The following AOX1 variants were observed in gnomAD, a reference collection of about 807,000 sequenced individuals.
AOX1 encodes the protein aldehyde oxidase 1, also known as aldehyde oxidase.
In AOX1, 153 loss-of-function variants were observed where a neutral mutation model predicts 169.5. That is an observed-to-expected ratio of 0.90 (90% CI 0.79 to 1.03). The LOEUF (loss-of-function observed/expected upper bound fraction) is 1.03, where lower values mean the gene tolerates loss of function less well. Ranked by LOEUF, AOX1 falls within the 50% of genes least tolerant of loss-of-function variation. The pLI is 0.00. For synonymous variants in AOX1, 562 were observed against 581.9 expected (o/e 0.97, Z 0.49); for missense variants, 1,656 against 1,663.9 (o/e 1.00, Z 0.08).
At chr2:200,620,949 C>T in intron 17 of AOX1, 130 bp downstream of exon 17, 2 of 1,309,226 alleles carry the variant, frequency 1.5e-6, no homozygotes, top group South Asian at 2.9e-5. Context: ...AGAGGTGAAA[C>T]AGGATCGAAA....
chr2:200,657,190 A>ATATATATATATATATATATATATTT, intron 27 of AOX1, among the ~76,000 whole-genome samples: 3 of 62,876 alleles, frequency 4.8e-5, no homozygotes, highest in African/African-American at 7.9e-5. Flanking sequence ...ATATATATAT[A>ATATATATATATATATATATATATTT]TTTTTTTTTT....
rs73049078 is a variant in AOX1, at chr2:200,605,631, G to A, written c.907+3G>A. On this transcript the variant is annotated splice_donor_region_variant and intron_variant, in intron 10 of 34. Coordinates refer to ENST00000374700, the MANE Select transcript of AOX1 (RefSeq NM_001159.4). ...TGTTGTAAACCATGCATATAATGGTGAGTTCTCAAGTCCCTGTTTTCTTAG... is the reference window on the plus strand; with the variant it reads ...TGTTGTAAACCATGCATATAATGGTAAGTTCTCAAGTCCCTGTTTTCTTAG... 5.2e-3 allele frequency: 7,398 copies of A among 1,423,636 alleles called. 331 individuals carry two copies. In the African/African-American group the frequency reaches 0.097, roughly 19 times the overall value. The allele number at this position is 1,423,636 out of a possible 1,614,324, so 88.2% of individuals were successfully genotyped here.
chr2:200,599,074 T>C (rs1310516320), intron 4 of AOX1, among the ~76,000 whole-genome samples: 9 of 152,160 alleles, frequency 5.9e-5, no homozygotes, highest in African/African-American at 2.2e-4. Flanking sequence ...AGAAGACAGC[T>C]TCCAAAATCG....
intron 7 of AOX1, 49 bp downstream of exon 7, chr2:200,603,405 G>A: frequency 6.9e-7 from 1 of 1,444,578 alleles, no homozygotes; most frequent in Non-Finnish European, 9.7e-7. Flanking sequence ...ACATGAACAG[G>A]AGCCAACATA....
chr2:200,605,224 C>T (rs879748661), intron 9 of AOX1, among the ~76,000 whole-genome samples: 4 of 152,092 alleles, frequency 2.6e-5, no homozygotes, highest in East Asian at 1.9e-4. Flanking sequence ...CTTAAACAAC[C>T]GCTACAGGGT....
chr2:200,664,082 C>T (rs1308518487), intron 31 of AOX1, among the ~76,000 whole-genome samples: 1 of 151,990 alleles, frequency 6.6e-6, no homozygotes, highest in Non-Finnish European at 1.5e-5. Context: ...AGCAGCCCTA[C>T]ACTACTAGGG....
intron 16 of AOX1, among the ~76,000 whole-genome samples, chr2:200,620,258 C>T (rs781640310): frequency 1.1e-4 from 16 of 145,042 alleles, no homozygotes; most frequent in Non-Finnish European, 1.5e-5. Flanking sequence ...GGGTGCAGTG[C>T]TGTGATCTTG....
chr2:200,625,134 G>C (rs116024656), intron 19 of AOX1, among the ~76,000 whole-genome samples: 12 of 152,134 alleles, frequency 7.9e-5, no homozygotes, highest in African/African-American at 2.7e-4. Flanking sequence ...AATTGGAGTC[G>C]AAGTGTGATT....
chr2:200,677,069 G>A (rs1478250544), downstream of AOX1: 2 of 376,174 alleles, frequency 5.3e-6, no homozygotes, highest in East Asian at 8.4e-5. Flanking sequence ...AAGAAACCAT[G>A]ATAGAAGCAA....
At position 200,634,878 on chromosome 2, in the gene AOX1, A is replaced by G. The variant is rs1264892938; in HGVS notation, c.2309A>G (p.Asp770Gly). The G allele has an allele frequency of 2.7e-5, 44 of 1,613,964 alleles. No individual in the cohort carries two copies. The Admixed American group carries it at 7.2e-4, about 26-fold the overall frequency. The change falls in exon 21 of 35, where the codon GAT (aspartate) becomes GGT (glycine). Residue 770 changes from aspartate (D) to glycine (G), a missense_variant. Asp to Gly is a moderately conservative substitution (Grantham distance 94). Transcript: ENST00000374700. ...CCCAAGGGAGAGGATCAAGAAATGGATGTCTACGTGTCCACACAGTTTCCC... is the reference window on the plus strand; with the variant it reads ...CCCAAGGGAGAGGATCAAGAAATGGGTGTCTACGTGTCCACACAGTTTCCC... ...VVPKGEDQEM[D>G]VYVSTQFPKY...
At chr2:200,667,543 G>A (rs1262872156) in intron 32 of AOX1, among the ~76,000 whole-genome samples, 2 of 151,622 alleles carry the variant, frequency 1.3e-5, no homozygotes, top group African/African-American at 4.9e-5. Flanking sequence ...GGAGGAAGTG[G>A]GTGTGAACCA....
At position 200,624,003 on chromosome 2, in the gene AOX1, G is replaced by A. The variant is rs1392100959; in HGVS notation, c.2124+20G>A. On this transcript the variant is annotated intron_variant, in intron 19 of 34. Transcript: ENST00000374700. The stretch of plus-strand genomic sequence containing the variant: ...ATTGAGGTAATGAGTTCTGTGGAAT[G>A]GTGGTGCCAGTTGGGAGCCAGAACA... The A allele has an allele frequency of 6.2e-7, 1 of 1,611,400 alleles. No homozygotes were observed. The highest frequency in any genetic ancestry group is 8.5e-7 in the Non-Finnish European group (1 of 1,177,692).
At chr2:200,641,950 C>T (rs2035360917) in intron 24 of AOX1, among the ~76,000 whole-genome samples, 4 of 152,076 alleles carry the variant, frequency 2.6e-5, no homozygotes, top group Admixed American at 2.6e-4. Context: ...CAAGACCAGC[C>T]TGACCACATG....
intron 13 of AOX1, among the ~76,000 whole-genome samples, chr2:200,611,911 G>T (rs1361831843): frequency 3.3e-5 from 5 of 151,944 alleles, no homozygotes; most frequent in Non-Finnish European, 7.4e-5. Context: ...CGCCAAGTTG[G>T]CCAAGCTGGT....
At chr2:200,681,069 C>T (rs1269570806), downstream of AOX1, among the ~76,000 whole-genome samples, 1 of 152,158 alleles carries the variant, frequency 6.6e-6, no homozygotes, top group Admixed American at 6.5e-5. Context: ...GGGGAGAGAA[C>T]ACAATAAAAG....
At chr2:200,663,526 A>ATG (rs2035866453) in intron 31 of AOX1, among the ~76,000 whole-genome samples, 2 of 149,908 alleles carry the variant, frequency 1.3e-5, no homozygotes, top group Admixed American at 6.6e-5. Context: ...CTCTGAAGAG[A>ATG]TACACACACA....
Position 200,623,983 on chromosome 2 carries a change from G to T in AOX1, c.2124G>T (p.Glu708Asp). 6.2e-7 allele frequency: 1 copy of T among 1,613,988 alleles called. No individual in the cohort carries two copies. Among genetic ancestry groups the T allele is most frequent in the South Asian group, 1.1e-5 (1 of 91,074 alleles). ...QDLEPLILTI[E>D]ESIQHNSSFK... Reference sequence around the variant, plus strand: ...TGGAGCCGCTGATACTAACAATTGAGGTAATGAGTTCTGTGGAATGGTGGT... The same window carrying T: ...TGGAGCCGCTGATACTAACAATTGATGTAATGAGTTCTGTGGAATGGTGGT... Residue 708 changes from glutamate (E) to aspartate (D), a missense_variant and splice_region_variant, in exon 19 of 35, where the codon GAG (glutamate) becomes GAT (aspartate). By Grantham distance (45) the Glu-to-Asp change is conservative (BLOSUM62 2). Transcript: ENST00000374700.
intron 24 of AOX1, among the ~76,000 whole-genome samples, chr2:200,642,030 G>A (rs1400690993): frequency 6.6e-6 from 1 of 152,106 alleles, no homozygotes; most frequent in Admixed American, 6.5e-5. Context: ...TTGGGAGGCT[G>A]AGGCAGGAGA....
At chr2:200,614,166 T>C (rs1260297380) in intron 15 of AOX1, among the ~76,000 whole-genome samples, 200 bp downstream of exon 15, 2 of 152,114 alleles carry the variant, frequency 1.3e-5, no homozygotes, top group Non-Finnish European at 2.9e-5. Context: ...GAGCCAAGAG[T>C]TGATCAGGCT....
Sources: gnomAD v4.1 joint callset for allele counts (sites outside exome capture counted in the v4.1 genomes callset) on GRCh38, gnomAD v4.1.1 for gene constraint, MANE v1.5 for transcripts, NCBI Gene and HGNC (gene_info 2026-07-23, HGNC 2026-07-21) for gene names.